RARB: variants seen among roughly 807,000 people sequenced by gnomAD.
RARB encodes the protein retinoic acid receptor beta, also known as HBV-activated protein.
A neutral mutation model predicts 51.9 loss-of-function variants in RARB; 17 were observed. The observed-to-expected ratio is 0.33, with a 90% CI of 0.22 to 0.49. The LOEUF is 0.49. RARB is among the 20% of genes least tolerant of loss of function. The pLI, the probability that RARB is intolerant of heterozygous loss-of-function variation, is 0.99. For missense variants in RARB, 369 were observed against 550.8 expected, an observed-to-expected ratio of 0.67 and a Z score of 3.30; for synonymous variants, 215 against 195.4, an observed-to-expected ratio of 1.10 and a Z score of -0.84.
chr3:25,589,459 C>T (rs1701529174), intron 5 of RARB, among the ~76,000 whole-genome samples: 2 of 152,194 alleles, frequency 1.3e-5, no homozygotes, highest in Admixed American at 6.5e-5. Flanking sequence ...GGACAACATG[C>T]TCTGGCTGCT....
At chr3:25,382,057 G>T (rs1392627636) in intron 5 of RARB, among the ~76,000 whole-genome samples, 1 of 152,162 alleles carries the variant, frequency 6.6e-6, no homozygotes, top group Admixed American at 6.6e-5. Flanking sequence ...TCTAACTGAG[G>T]AACATTAGCA....
At chr3:25,438,658 G>A (rs1429255126) in intron 1 of RARB, among the ~76,000 whole-genome samples, 1 of 152,122 alleles carries the variant, frequency 6.6e-6, no homozygotes, top group African/African-American at 2.4e-5. Context: ...TCCCATGAAA[G>A]GCTTTTCTCT....
intron 2 of RARB, among the ~76,000 whole-genome samples, chr3:25,496,863 A>G (rs1697059295): frequency 6.6e-6 from 1 of 152,086 alleles, no homozygotes. Context: ...TGGTAGCAGA[A>G]AACCAGGTGT....
intron 5 of RARB, among the ~76,000 whole-genome samples, chr3:25,326,818 A>T (rs538997595): frequency 7.8e-6 from 1 of 128,906 alleles, no homozygotes; most frequent in African/African-American, 2.8e-5. Flanking sequence ...TAGGATAAAA[A>T]GACACAGGGA....
intron 2 of RARB, among the ~76,000 whole-genome samples, chr3:24,896,788 C>T (rs1462509104): frequency 6.6e-6 from 1 of 152,148 alleles, no homozygotes; most frequent in African/African-American, 2.4e-5. Flanking sequence ...TTGAAACGAA[C>T]TTGGAATGGG....
intron 5 of RARB, among the ~76,000 whole-genome samples, chr3:25,369,698 G>C (rs567416705): frequency 6.6e-6 from 1 of 152,144 alleles, no homozygotes; most frequent in African/African-American, 2.4e-5. Flanking sequence ...CGAGGCAGGC[G>C]GATCACCTGA....
intron 2 of RARB, among the ~76,000 whole-genome samples, chr3:25,463,171 C>T (rs9830504): frequency 0.13 from 19,996 of 152,038 alleles, 1,516 homozygotes; most frequent in East Asian, 0.39. Flanking sequence ...CCACGCCCAG[C>T]CCCACTCAAT....
intron 5 of RARB, among the ~76,000 whole-genome samples, chr3:25,206,344 T>C (rs945082248): frequency 1.3e-5 from 2 of 152,216 alleles, no homozygotes; most frequent in Non-Finnish European, 2.9e-5. Flanking sequence ...AAATCTCGAA[T>C]GTTTACTTGT....
chr3:25,238,157 C>CT (rs1336419945), intron 5 of RARB, among the ~76,000 whole-genome samples: 2 of 151,906 alleles, frequency 1.3e-5, no homozygotes, highest in African/African-American at 2.4e-5. Context: ...AGCGCCCCCC[C>CT]ACACATCCTT....
chr3:24,949,836 C>A (rs1259789707), intron 2 of RARB, among the ~76,000 whole-genome samples: 1 of 152,042 alleles, frequency 6.6e-6, no homozygotes, highest in Non-Finnish European at 1.5e-5. Context: ...TTGATTTGTT[C>A]CTTTACTTTT....
intron 5 of RARB, among the ~76,000 whole-genome samples, chr3:25,272,585 A>G (rs1703280094): frequency 6.6e-6 from 1 of 152,184 alleles, no homozygotes; most frequent in Non-Finnish European, 1.5e-5. Flanking sequence ...AAAATACAGT[A>G]TTCTGGGTCC....
intron 2 of RARB, among the ~76,000 whole-genome samples, chr3:24,878,547 T>C (rs1423911496): frequency 6.6e-6 from 1 of 152,140 alleles, no homozygotes; most frequent in African/African-American, 2.4e-5. Context: ...CTCTCAACAT[T>C]GGCATTGACA....
chr3:25,408,581 C>T (rs1991787), intron 5 of RARB, among the ~76,000 whole-genome samples: 29,374 of 152,076 alleles, frequency 0.19, 2,983 homozygotes, highest in South Asian at 0.25. Flanking sequence ...CACCACTCCA[C>T]ACAGTGACCA....
chr3:25,141,946 T>C (rs1163837977), intron 4 of RARB, among the ~76,000 whole-genome samples: 3 of 152,226 alleles, frequency 2.0e-5, no homozygotes, highest in Non-Finnish European at 4.4e-5. Flanking sequence ...CTAATACTCA[T>C]GACATCCATG....
In RARB at chr3:25,392,915, C is replaced by T. The variant is rs954371166; in HGVS notation, c.179-68278C>T. Among the ~76,000 whole-genome samples the T allele has an allele frequency of 2.6e-5, 4 of 152,052 alleles. No individual in the cohort carries two copies. The South Asian group carries it at 8.3e-4, about 32-fold the overall frequency. On this transcript the variant is annotated intron_variant, in intron 5 of 11. Transcript: ENST00000383772. The stretch of plus-strand genomic sequence containing the variant: ...TGTCTGATTGCTCTGGCTAGGACTT[C>T]CAGTACTATGTTGAATACAAGTGGT...
At chr3:25,004,885 C>T (rs1457120708) in intron 2 of RARB, among the ~76,000 whole-genome samples, 1 of 152,104 alleles carries the variant, frequency 6.6e-6, no homozygotes, top group African/African-American at 2.4e-5. Context: ...CAAATAGTGT[C>T]AGAACAGTTC....
chr3:24,944,253 T>C (rs147894131), intron 2 of RARB, among the ~76,000 whole-genome samples: 1 of 152,306 alleles, frequency 6.6e-6, no homozygotes, highest in African/African-American at 2.4e-5. Flanking sequence ...TTGTTCTCCA[T>C]AGACATTGAT....
rs1012369052 is a variant in RARB, at chr3:24,831,611, C to CA, written c.-459+2217dup. 1.5e-4 allele frequency among the ~76,000 whole-genome samples: 21 copies of CA among 141,228 alleles called. No individual in the cohort carries two copies. In the Middle Eastern group the frequency reaches 0.011, roughly 75 times the overall value. 92.7% of individuals were successfully genotyped at this position (141,228 alleles called of 152,430 possible). On this transcript the variant is annotated intron_variant, in intron 1 of 11. Coordinates refer to the RARB transcript ENST00000383772. Reference sequence around the variant, plus strand: ...ATTGTATAGTATATTCCTTCTTGGACAAAAAAAAATACATGATGCTTATAG... The same window carrying CA: ...ATTGTATAGTATATTCCTTCTTGGACAAAAAAAAAATACATGATGCTTATAG...
intron 1 of RARB, chr3:25,441,014 G>C (rs1209714639): frequency 7.5e-6 from 1 of 134,002 alleles, no homozygotes; most frequent in African/African-American, 2.8e-5. Context: ...ATATACCTAG[G>C]TACCTTTTGA....
Sources: allele counts gnomAD v4.1 joint callset (sites outside exome capture counted in the v4.1 genomes callset), GRCh38; gene constraint gnomAD v4.1.1; transcripts MANE v1.5; gene names NCBI Gene and HGNC (gene_info 2026-07-23, HGNC 2026-07-21).